PCDHA2: variants seen among roughly 807,000 people sequenced by gnomAD.
The protein encoded by PCDHA2 is protocadherin alpha-2.
A neutral mutation model predicts 66.0 loss-of-function variants in PCDHA2; 58 were observed. The ratio of observed to expected loss-of-function variants is 0.88; its 90% CI spans 0.71 to 1.09. The LOEUF (loss-of-function observed/expected upper bound fraction) is 1.09. Among genes scored for constraint, PCDHA2 ranks in the 50% least tolerant of loss-of-function variants. The pLI is 0.00. For missense variants in PCDHA2, 1,267 were observed against 1,242.3 expected, an observed-to-expected ratio of 1.02 and a Z score of -0.30; for synonymous variants, 634 against 554.0, an observed-to-expected ratio of 1.14 and a Z score of -2.03.
intron 1 of PCDHA2, chr5:140,841,216 G>T: frequency 7.1e-7 from 1 of 1,417,674 alleles, no homozygotes; most frequent in South Asian, 1.4e-5. Flanking sequence ...GTCTCTAAAG[G>T]CCGAACAACG....
At chr5:140,803,406 C>T in intron 1 of PCDHA2, 1 of 1,614,226 alleles carries the variant, frequency 6.2e-7, no homozygotes. Flanking sequence ...GCCGGGCAAG[C>T]CCACGCTGGT....
Position 140,856,989 on chromosome 5 carries a change from C to T in PCDHA2, c.2388+59637C>T. 3.1e-6 allele frequency: 5 copies of T among 1,595,206 alleles called. 1 individual carries two copies. The highest frequency in any genetic ancestry group is 1.1e-5 in the South Asian group (1 of 90,500). ...GCTATTGACTTTGAGGACAGTAACA[C>T]TTATGAAATTCATGTAGATGTTACA... is the stretch of plus-strand genomic sequence containing the variant. On this transcript the variant is annotated intron_variant, in intron 1 of 3. Transcript: ENST00000526136.
intron 1 of PCDHA2, among the ~76,000 whole-genome samples, chr5:140,944,398 G>C (rs1326523434): frequency 4.6e-5 from 7 of 152,104 alleles, no homozygotes; most frequent in African/African-American, 2.4e-5. Flanking sequence ...TGTTATCCAG[G>C]CTGGTCTCGA....
At chr5:140,833,089 G>A (rs1772288607) in intron 1 of PCDHA2, among the ~76,000 whole-genome samples, 1 of 152,162 alleles carries the variant, frequency 6.6e-6, no homozygotes, top group South Asian at 2.1e-4. Context: ...TTGAGTACTA[G>A]ACGAGTAATT....
rs2150253454 is a variant in PCDHA2 at position 140,836,128 on chromosome 5, C to G, written c.2388+38776C>G. ...GGTGGCGCAGTGAGAGAGCTTGTGC[C>G]GCGGTCTGTGGGCGCGGGCCATGTG... On this transcript the variant is annotated intron_variant, in intron 1 of 3. Transcript: ENST00000526136. 13 of 1,613,624 alleles carry G rather than the reference C, an allele frequency of 8.1e-6. 2 individuals are homozygous for G. Among genetic ancestry groups the G allele is most frequent in the African/African-American group, 4.0e-5 (3 of 74,864 alleles).
intron 1 of PCDHA2, among the ~76,000 whole-genome samples, chr5:140,957,554 G>A (rs1291687434): frequency 6.6e-6 from 1 of 152,074 alleles, no homozygotes; most frequent in African/African-American, 2.4e-5. Flanking sequence ...ATTCTCTGTG[G>A]AAAAGGAGGG....
intron 1 of PCDHA2, chr5:140,809,759 A>C: frequency 4.9e-6 from 3 of 606,938 alleles, no homozygotes; most frequent in South Asian, 4.9e-5. Flanking sequence ...CCTTCATTTT[A>C]TGCTGCATTA....
chr5:140,865,377 T>C (rs2048847316), intron 1 of PCDHA2: 1 of 152,154 alleles, frequency 6.6e-6, no homozygotes, highest in South Asian at 2.1e-4. Flanking sequence ...ATGTTATAGG[T>C]AGGGTAAAGT....
chr5:140,821,832 C>G (rs1364936196), intron 1 of PCDHA2: 1 of 1,614,038 alleles, frequency 6.2e-7, no homozygotes, highest in Non-Finnish European at 8.5e-7. Context: ...TCTGGCTTCT[C>G]CTTGCCTACT....
intron 3 of PCDHA2, among the ~76,000 whole-genome samples, chr5:140,986,055 T>C (rs2097185833): frequency 6.6e-6 from 1 of 152,164 alleles, no homozygotes; most frequent in African/African-American, 2.4e-5. Context: ...ATGAATTCTT[T>C]TGCTTTTTAA....
chr5:140,840,958 C>A (rs1776953520), intron 1 of PCDHA2, among the ~76,000 whole-genome samples: 1 of 152,042 alleles, frequency 6.6e-6, no homozygotes, highest in Admixed American at 6.5e-5. Context: ...GAAGAAATTC[C>A]TTTCCTTATG....
chr5:140,850,260 G>A lies in PCDHA2; in HGVS notation c.2388+52908G>A, dbSNP rs371305325. ...GGTGCTGCGGTCGGTGGGCGCCGGC[G>A]TAGTGGTGGGGAAGGTGCGCGCAGT... On this transcript the variant is annotated intron_variant, in intron 1 of 3. Coordinates refer to ENST00000526136, the MANE Select transcript of PCDHA2 (RefSeq NM_018905.3). 17 of 1,594,256 alleles carry A rather than the reference G, an allele frequency of 1.1e-5. 2 individuals are homozygous for A. The highest frequency in any genetic ancestry group is 4.0e-5 in the African/African-American group (3 of 74,174).
chr5:140,824,610 G>GTTGTTTTTTTTTTTTT (rs1768193318), intron 1 of PCDHA2: 3 of 95,112 alleles, frequency 3.2e-5, no homozygotes, highest in African/African-American at 1.5e-4. Context: ...GCTAATTAAA[G>GTTGTTTTTTTTTTTTT]TTTTTTTTTT....
chr5:140,927,506 C>G (rs1554204645), intron 1 of PCDHA2: 1 of 1,614,128 alleles, frequency 6.2e-7, no homozygotes, highest in Non-Finnish European at 8.5e-7. Context: ...GTGCTTACAG[C>G]TCGGGACGGC....
chr5:140,836,662 C>CTTGGG, intron 1 of PCDHA2: 1 of 1,613,452 alleles, frequency 6.2e-7, no homozygotes. Flanking sequence ...AGGGTGTGCT[C>CTTGGG]TGGGGAGGGC....
chr5:140,829,322 A>G, intron 1 of PCDHA2: 1 of 1,614,248 alleles, frequency 6.2e-7, no homozygotes, highest in Non-Finnish European at 8.5e-7. Flanking sequence ...GGTGCTGGAC[A>G]GTGCCCTGGA....
intron 1 of PCDHA2, chr5:140,850,691 C>A: frequency 1.3e-6 from 2 of 1,598,334 alleles, no homozygotes; most frequent in Non-Finnish European, 1.7e-6. Context: ...AGGGCGAGTG[C>A]GCGCCTGGCA....
intron 1 of PCDHA2, among the ~76,000 whole-genome samples, chr5:140,881,806 C>G (rs545752672): frequency 1.3e-5 from 2 of 152,238 alleles, no homozygotes; most frequent in African/African-American, 4.8e-5. Context: ...AAACGAGTGT[C>G]GAATATTCTT....
chr5:140,904,555 CT>C (rs569725486), intron 1 of PCDHA2, among the ~76,000 whole-genome samples: 14 of 151,628 alleles, frequency 9.2e-5, no homozygotes, highest in Non-Finnish European at 1.8e-4. Context: ...CATATAATGA[CT>C]TTTTTTTCCT....
Sources: allele counts gnomAD v4.1 joint callset (sites outside exome capture counted in the v4.1 genomes callset), GRCh38; gene constraint gnomAD v4.1.1; transcripts MANE v1.5; gene names NCBI Gene and HGNC (gene_info 2026-07-23, HGNC 2026-07-21).